The following KCND2 variants were observed in gnomAD, a reference collection of about 807,000 sequenced individuals.
The protein encoded by KCND2 is A-type voltage-gated potassium channel KCND2.
A neutral mutation model predicts 54.4 loss-of-function variants in KCND2; 16 were observed. The ratio of observed to expected loss-of-function variants is 0.29; its 90% CI spans 0.20 to 0.45. KCND2 has a LOEUF of 0.45. Among genes scored for constraint, KCND2 ranks in the 20% least tolerant of loss-of-function variants. KCND2 has a pLI of 1.00. For missense variants in KCND2, 486 were observed against 824.2 expected, an observed-to-expected ratio of 0.59 and a Z score of 5.02; for synonymous variants, 317 against 310.7, an observed-to-expected ratio of 1.02 and a Z score of -0.21.
chr7:120,535,820 A>C (rs1223797668), intron 1 of KCND2, among the ~76,000 whole-genome samples: 3 of 152,174 alleles, frequency 2.0e-5, no homozygotes, highest in Admixed American at 6.6e-5. Flanking sequence ...GGATGAAGGC[A>C]TCCAGCTGGA....
At chr7:120,639,744 T>C (rs531229384) in intron 1 of KCND2, among the ~76,000 whole-genome samples, 3 of 152,306 alleles carry the variant, frequency 2.0e-5, no homozygotes, top group Non-Finnish European at 2.9e-5. Context: ...GTCTGCCTTG[T>C]CGTGTTACGT....
chr7:120,399,892 A>G (rs1801221169), intron 1 of KCND2, among the ~76,000 whole-genome samples: 1 of 151,606 alleles, frequency 6.6e-6, no homozygotes, highest in African/African-American at 2.4e-5. Flanking sequence ...CGCCTGACAA[A>G]TTTTCATATT....
chr7:120,715,507 G>A (rs1009480550), intron 1 of KCND2, among the ~76,000 whole-genome samples: 3 of 151,934 alleles, frequency 2.0e-5, no homozygotes, highest in African/African-American at 4.8e-5. Flanking sequence ...TGGATGTTCC[G>A]TATATAAAGG....
chr7:120,390,751 T>C (rs1370667049), intron 1 of KCND2, among the ~76,000 whole-genome samples: 1 of 152,058 alleles, frequency 6.6e-6, no homozygotes, highest in Non-Finnish European at 1.5e-5. Flanking sequence ...ATAATAGATA[T>C]ATAATTTGTC....
intron 1 of KCND2, among the ~76,000 whole-genome samples, chr7:120,363,985 T>A (rs1800632017): frequency 6.6e-6 from 1 of 152,110 alleles, no homozygotes; most frequent in Admixed American, 6.6e-5. Flanking sequence ...CTTAATCTCA[T>A]CCTTTAAGTG....
At chr7:120,290,429 TTATG>T (rs902413777) in intron 1 of KCND2, among the ~76,000 whole-genome samples, 21 of 152,038 alleles carry the variant, frequency 1.4e-4, no homozygotes, top group African/African-American at 4.8e-4. Context: ...AAATACTTAT[TTATG>T]CTCTTTCACC....
chr7:120,727,050 G>A (rs1473565686), intron 1 of KCND2, among the ~76,000 whole-genome samples: 2 of 152,100 alleles, frequency 1.3e-5, no homozygotes, highest in Non-Finnish European at 2.9e-5. Flanking sequence ...TTTCAGAGAT[G>A]GAAAGTCACG....
chr7:120,336,308 T>C (rs1800150945), intron 1 of KCND2, among the ~76,000 whole-genome samples: 1 of 152,202 alleles, frequency 6.6e-6, no homozygotes. Context: ...TTCTGAAGAT[T>C]GTTCATATTG....
intron 1 of KCND2, among the ~76,000 whole-genome samples, chr7:120,342,570 C>T (rs1423655971): frequency 1.3e-5 from 2 of 152,094 alleles, no homozygotes; most frequent in Non-Finnish European, 2.9e-5. Flanking sequence ...TTGTATATTA[C>T]AACATGTATA....
In KCND2 at chr7:120,274,047, C is replaced by G. The variant is rs907178872; in HGVS notation, c.-586C>G. 1.9e-5 allele frequency: 3 copies of G among 157,334 alleles called. No individual in the cohort carries two copies. The highest frequency in any genetic ancestry group is 4.2e-5 in the Non-Finnish European group (3 of 71,156). 9.7% of individuals were successfully genotyped at this position (157,334 alleles called of 1,614,324 possible). Reference sequence around the variant, plus strand: ...GGAGTAGAGGCAGCAGCAGCTGGACCCCCAAAGAGAGACGTGGGGCAGCGG... The same window carrying G: ...GGAGTAGAGGCAGCAGCAGCTGGACGCCCAAAGAGAGACGTGGGGCAGCGG... On this transcript the variant is annotated 5_prime_UTR_variant, in exon 1 of 6. Coordinates refer to ENST00000331113, the MANE Select transcript of KCND2 (RefSeq NM_012281.3).
chr7:120,540,836 G>T (rs1275242505), intron 1 of KCND2, among the ~76,000 whole-genome samples: 2 of 152,074 alleles, frequency 1.3e-5, no homozygotes, highest in African/African-American at 4.8e-5. Flanking sequence ...ACAATTTTAA[G>T]TACTTTCAAT....
At chr7:120,682,087 G>A (rs919985637) in intron 1 of KCND2, among the ~76,000 whole-genome samples, 1 of 151,966 alleles carries the variant, frequency 6.6e-6, no homozygotes, top group African/African-American at 2.4e-5. Context: ...CTCGAATACT[G>A]AGAGAACGTA....
At chr7:120,660,650 A>T (rs572946360) in intron 1 of KCND2, among the ~76,000 whole-genome samples, 37 of 152,350 alleles carry the variant, frequency 2.4e-4, no homozygotes, top group African/African-American at 8.9e-4. Context: ...TTGCTTATGT[A>T]CAAAAGTATC....
chr7:120,607,469 C>T (rs1379822671), intron 1 of KCND2, among the ~76,000 whole-genome samples: 1 of 152,102 alleles, frequency 6.6e-6, no homozygotes, highest in African/African-American at 2.4e-5. Context: ...TACCCACTAT[C>T]TCATAAACCA....
intron 1 of KCND2, among the ~76,000 whole-genome samples, chr7:120,470,336 A>G (rs372743227): frequency 2.6e-5 from 4 of 152,258 alleles, no homozygotes; most frequent in South Asian, 4.1e-4. Flanking sequence ...AGCAATGTCC[A>G]TAAGTCTGGA....
At chr7:120,392,019 G>A (rs1439460645) in intron 1 of KCND2, among the ~76,000 whole-genome samples, 3 of 151,954 alleles carry the variant, frequency 2.0e-5, no homozygotes, top group Non-Finnish European at 4.4e-5. Context: ...TATTGCCTAG[G>A]TTTTCTTCTA....
intron 1 of KCND2, among the ~76,000 whole-genome samples, chr7:120,613,432 G>A (rs1454476860): frequency 6.6e-6 from 1 of 152,182 alleles, no homozygotes; most frequent in Admixed American, 6.5e-5. Context: ...TTGGGAGGCT[G>A]AGGTAGGAGA....
chr7:120,660,546 G>A, intron 1 of KCND2, among the ~76,000 whole-genome samples: 1 of 152,132 alleles, frequency 6.6e-6, no homozygotes, highest in East Asian at 1.9e-4. Context: ...CATAAACCAT[G>A]CCATTATTAT....
At chr7:120,306,568 C>T (rs1458144620) in intron 1 of KCND2, among the ~76,000 whole-genome samples, 2 of 151,856 alleles carry the variant, frequency 1.3e-5, no homozygotes, top group Non-Finnish European at 1.5e-5. Flanking sequence ...TTTCTTCTTA[C>T]CATTATAAAA....
Sources: allele counts gnomAD v4.1 joint callset (sites outside exome capture counted in the v4.1 genomes callset), GRCh38; gene constraint gnomAD v4.1.1; transcripts MANE v1.5; gene names NCBI Gene and HGNC (gene_info 2026-07-23, HGNC 2026-07-21).